The following ZNF804B variants were observed in gnomAD, a reference collection of about 807,000 sequenced individuals.
ZNF804B encodes zinc finger 804B.
In ZNF804B, 80 loss-of-function variants were observed where a neutral mutation model predicts 101.4. That is an observed-to-expected ratio of 0.79 (90% confidence interval 0.66 to 0.95). The LOEUF (loss-of-function observed/expected upper bound fraction) is 0.95. Ranked by LOEUF, ZNF804B falls within the 40% of genes least tolerant of loss-of-function variation. The pLI, the probability that ZNF804B is intolerant of heterozygous loss-of-function variation, is 0.00. For synonymous variants in ZNF804B, 622 were observed against 558.8 expected (o/e 1.11, Z -1.59); for missense variants, 1,673 against 1,561.9 (o/e 1.07, Z -1.20).
At chr7:89,228,625 G>A (rs1387763678) in intron 2 of ZNF804B, among the ~76,000 whole-genome samples, 2 of 152,274 alleles carry the variant, frequency 1.3e-5, no homozygotes, top group East Asian at 3.9e-4. Flanking sequence ...ACAGAGTGCT[G>A]ATTGGTGTAT....
intron 1 of ZNF804B, among the ~76,000 whole-genome samples, chr7:88,853,169 G>T (rs1331039733): frequency 6.6e-6 from 1 of 152,132 alleles, no homozygotes; most frequent in East Asian, 1.9e-4. Context: ...CTGGAGAAAA[G>T]ATAACCTGCT....
chr7:88,924,306 T>A (rs1180207843), intron 1 of ZNF804B, among the ~76,000 whole-genome samples: 1 of 151,902 alleles, frequency 6.6e-6, no homozygotes, highest in East Asian at 1.9e-4. Context: ...TATTTATATT[T>A]GCAATTCTTT....
At chr7:89,069,588 G>C (rs1469557618) in intron 1 of ZNF804B, among the ~76,000 whole-genome samples, 1 of 151,902 alleles carries the variant, frequency 6.6e-6, no homozygotes, top group Non-Finnish European at 1.5e-5. Flanking sequence ...AGCATTTTGA[G>C]TGTTATGCTA....
chr7:88,899,305 TG>T (rs774885227), intron 1 of ZNF804B, among the ~76,000 whole-genome samples: 2 of 152,172 alleles, frequency 1.3e-5, no homozygotes, highest in Non-Finnish European at 2.9e-5. Flanking sequence ...CAAAACTTTC[TG>T]GGGACGGTGG....
chr7:88,868,973 T>A (rs998255742), intron 1 of ZNF804B, among the ~76,000 whole-genome samples: 4 of 152,164 alleles, frequency 2.6e-5, no homozygotes, highest in African/African-American at 9.7e-5. Context: ...CTATTGAAGA[T>A]GCTTTCTTAT....
chr7:89,024,661 GAA>G (rs67321242), intron 1 of ZNF804B, among the ~76,000 whole-genome samples: 8,896 of 70,292 alleles, frequency 0.13, 408 homozygotes, highest in Non-Finnish European at 0.14. Flanking sequence ...TATCATTCTT[GAA>G]AAAAAAAAAA....
At chr7:88,859,417 T>G (rs1193219736) in intron 1 of ZNF804B, among the ~76,000 whole-genome samples, 2 of 152,026 alleles carry the variant, frequency 1.3e-5, no homozygotes, top group Non-Finnish European at 2.9e-5. Flanking sequence ...GGTAATTTTA[T>G]AAGACATTTA....
At chr7:89,103,058 T>A (rs866145651) in intron 1 of ZNF804B, among the ~76,000 whole-genome samples, 1 of 120,492 alleles carries the variant, frequency 8.3e-6, no homozygotes, top group Admixed American at 8.1e-5. Context: ...GTTTTTTTTT[T>A]TTTTTTTTTT....
At chr7:89,058,890 C>T (rs968063683) in intron 1 of ZNF804B, among the ~76,000 whole-genome samples, 1 of 152,018 alleles carries the variant, frequency 6.6e-6, no homozygotes, top group Non-Finnish European at 1.5e-5. Flanking sequence ...GACAGGCTTT[C>T]GCCATGTTGC....
intron 2 of ZNF804B, among the ~76,000 whole-genome samples, chr7:89,298,623 A>G (rs986342677): frequency 1.2e-4 from 18 of 151,902 alleles, no homozygotes; most frequent in Non-Finnish European, 2.2e-4. Flanking sequence ...AATTATCTAT[A>G]TATGGCAAAA....
intron 1 of ZNF804B, among the ~76,000 whole-genome samples, chr7:88,927,521 T>C (rs12672637): frequency 0.074 from 11,269 of 152,164 alleles, 575 homozygotes; most frequent in East Asian, 0.18. Flanking sequence ...CCCTATACGT[T>C]ACTCATCTTA....
intron 1 of ZNF804B, among the ~76,000 whole-genome samples, chr7:88,850,791 C>G (rs965743651): frequency 6.6e-6 from 1 of 151,754 alleles, no homozygotes; most frequent in Non-Finnish European, 1.5e-5. Context: ...AAAAGCAAGA[C>G]AAACAAACAA....
At chr7:88,863,189 T>A (rs1791675905) in intron 1 of ZNF804B, among the ~76,000 whole-genome samples, 1 of 152,118 alleles carries the variant, frequency 6.6e-6, no homozygotes, top group African/African-American at 2.4e-5. Flanking sequence ...GCTTTTCACA[T>A]GCTGTTCTCT....
chr7:88,855,448 G>A (rs953695106), intron 1 of ZNF804B, among the ~76,000 whole-genome samples: 1 of 151,806 alleles, frequency 6.6e-6, no homozygotes, highest in African/African-American at 2.4e-5. Context: ...TGTTGATGGG[G>A]TTGTTTGTTT....
rs1359606121 is a variant in ZNF804B at position 89,337,028 on chromosome 7, A to G, written c.4046A>G (p.Asn1349Ser). The change falls in exon 4 of 4, where the codon AAC becomes AGC. Residue 1349 changes from asparagine (N) to serine (S), a missense_variant. Physicochemically the swap from Asn to Ser is conservative, Grantham distance 46 (BLOSUM62 1). Transcript: ENST00000333190. ...GCCTTAAATGTGTCCACACACTTGAACTAATAAGTGTTAAAGCCCCTCCTG... is the reference window on the plus strand; with the variant it reads ...GCCTTAAATGTGTCCACACACTTGAGCTAATAAGTGTTAAAGCCCCTCCTG... ...KEALNVSTHL[N>S] 1.2e-6 allele frequency: 2 copies of G among 1,612,402 alleles called. No individual in the cohort carries two copies. Among genetic ancestry groups the G allele is most frequent in the Non-Finnish European group, 1.7e-6 (2 of 1,178,978 alleles).
chr7:89,265,899 T>A (rs1249524458), intron 2 of ZNF804B, among the ~76,000 whole-genome samples: 1 of 152,190 alleles, frequency 6.6e-6, no homozygotes, highest in Non-Finnish European at 1.5e-5. Context: ...GGCTTCATAG[T>A]AAGTTTCCAT....
At chr7:89,098,075 A>G (rs1789994575) in intron 1 of ZNF804B, among the ~76,000 whole-genome samples, 1 of 152,060 alleles carries the variant, frequency 6.6e-6, no homozygotes. Flanking sequence ...TAATTTATAA[A>G]ATTTCTTTAA....
chr7:88,835,491 A>G (rs182803488), intron 1 of ZNF804B, among the ~76,000 whole-genome samples: 1 of 152,108 alleles, frequency 6.6e-6, no homozygotes, highest in African/African-American at 2.4e-5. Flanking sequence ...ATGGACAAAG[A>G]ACCCCACTGA....
rs991848514 is a variant in ZNF804B, at chr7:88,866,106, C to T, written c.108+106022C>T. 3.9e-5 allele frequency among the ~76,000 whole-genome samples: 6 copies of T among 151,902 alleles called. No homozygotes were observed. The South Asian group carries it at 6.2e-4, about 16-fold the overall frequency. ...TACTAGTTAAGACTAATAGAATAGG[C>T]GACTGACCAGAAGATCTTATTTAAT... On this transcript the variant is annotated intron_variant, in intron 1 of 3. Coordinates refer to ENST00000333190, the MANE Select transcript of ZNF804B (RefSeq NM_181646.5).
Sources: allele counts gnomAD v4.1 joint callset (sites outside exome capture counted in the v4.1 genomes callset), GRCh38; gene constraint gnomAD v4.1.1; transcripts MANE v1.5; gene names NCBI Gene and HGNC (gene_info 2026-07-23, HGNC 2026-07-21).